Variants in PCDH15 observed in about 807,000 individuals in gnomAD.
The protein encoded by PCDH15 is protocadherin-15.
PCDH15 carries 129 observed loss-of-function variants against 178.5 expected under a neutral mutation model. The observed-to-expected ratio is 0.72, with a 90% confidence interval of 0.63 to 0.84. The LOEUF is 0.84. Ranked by LOEUF, PCDH15 falls within the 40% of genes least tolerant of loss-of-function variation. The pLI, the probability that PCDH15 is intolerant of heterozygous loss-of-function variation, is 0.00. For missense variants in PCDH15, 2,230 were observed against 2,099.9 expected, an observed-to-expected ratio of 1.06 and a Z score of -1.21; for synonymous variants, 800 against 732.0, an observed-to-expected ratio of 1.09 and a Z score of -1.50.
chr10:54,394,221 T>TTA (rs140737328), intron 3 of PCDH15, among the ~76,000 whole-genome samples: 5,518 of 152,256 alleles, frequency 0.036, 155 homozygotes, highest in Non-Finnish European at 0.053. Context: ...TACATTCTTA[T>TTA]TATATAGCAT....
In PCDH15 at chr10:54,543,967, G is replaced by A. The variant is rs184045911; in HGVS notation, c.92-16090C>T. On this transcript the variant is annotated intron_variant, in intron 2 of 37. Transcript: ENST00000644397. The stretch of plus-strand genomic sequence containing the variant: ...CTTCTCTTTGTTCTTCAGACATACC[G>A]AAGAACACCTGACCCGTGTGTATGC... 3.3e-3 allele frequency among the ~76,000 whole-genome samples: 494 copies of A among 151,780 alleles called. 1 individual carries two copies. Among genetic ancestry groups the A allele is most frequent in the African/African-American group, 8.6e-3 (354 of 41,174 alleles).
At chr10:54,825,216 T>C (rs1023632997) in intron 3 of PCDH15, among the ~76,000 whole-genome samples, 24 of 151,932 alleles carry the variant, frequency 1.6e-4, no homozygotes, top group Non-Finnish European at 1.5e-5. Flanking sequence ...TCATTTTTTA[T>C]GGCTGCATAG....
chr10:53,896,589 A>G (rs2081968424), intron 26 of PCDH15, among the ~76,000 whole-genome samples: 1 of 152,166 alleles, frequency 6.6e-6, no homozygotes, highest in Non-Finnish European at 1.5e-5. Context: ...CAGGCCATGG[A>G]CAACTACCAG....
intron 8 of PCDH15, among the ~76,000 whole-genome samples, chr10:54,247,053 T>A (rs1377343090): frequency 6.6e-6 from 1 of 152,008 alleles, no homozygotes; most frequent in Non-Finnish European, 1.5e-5. Context: ...ATCAGCTTAA[T>A]GTTTTATAAA....
chr10:55,096,709 T>C (rs1842456749), intron 2 of PCDH15, among the ~76,000 whole-genome samples: 1 of 152,122 alleles, frequency 6.6e-6, no homozygotes, highest in African/African-American at 2.4e-5. Context: ...TTTTTAGATT[T>C]CACATATAAA....
At chr10:55,276,003 T>C (rs1293037564) in intron 1 of PCDH15, among the ~76,000 whole-genome samples, 2 of 151,388 alleles carry the variant, frequency 1.3e-5, no homozygotes, top group South Asian at 4.2e-4. Flanking sequence ...TTATCATATT[T>C]TTGATATGTA....
chr10:54,408,394 C>T (rs542251038), intron 3 of PCDH15, among the ~76,000 whole-genome samples: 3 of 152,086 alleles, frequency 2.0e-5, no homozygotes, highest in African/African-American at 7.2e-5. Context: ...ATATGAACTA[C>T]TATAATTGGG....
intron 3 of PCDH15, among the ~76,000 whole-genome samples, chr10:54,382,077 A>G (rs1419858882): frequency 1.3e-5 from 2 of 152,180 alleles, no homozygotes; most frequent in Non-Finnish European, 2.9e-5. Flanking sequence ...TAAAAATATT[A>G]GCACAGTTAA....
chr10:54,793,066 T>A (rs975755879), intron 1 of PCDH15, among the ~76,000 whole-genome samples: 3 of 151,810 alleles, frequency 2.0e-5, no homozygotes, highest in Non-Finnish European at 4.4e-5. Context: ...TTGTCAATTG[T>A]AGGCTCCACT....
intron 1 of PCDH15, among the ~76,000 whole-genome samples, chr10:55,237,013 TTAA>T (rs1280947349): frequency 1.3e-5 from 2 of 152,138 alleles, no homozygotes; most frequent in African/African-American, 4.8e-5. Context: ...GAATTTGGGC[TTAA>T]TAACATATCA....
chr10:55,348,789 C>T (rs1482824830), intron 2 of PCDH15, among the ~76,000 whole-genome samples: 3 of 152,036 alleles, frequency 2.0e-5, no homozygotes, highest in Admixed American at 6.6e-5. Flanking sequence ...CCCAGTGTAA[C>T]TGAAAGGAAA....
intron 1 of PCDH15, among the ~76,000 whole-genome samples, chr10:55,285,136 A>G (rs887498934): frequency 4.3e-5 from 6 of 140,734 alleles, no homozygotes; most frequent in African/African-American, 1.7e-4. Flanking sequence ...TACCATATAA[A>G]CTTGTATTTA....
intron 2 of PCDH15, among the ~76,000 whole-genome samples, chr10:55,487,192 C>A (rs547439251): frequency 6.6e-6 from 1 of 151,546 alleles, no homozygotes; most frequent in Non-Finnish European, 1.5e-5. Flanking sequence ...TTTATGGGTC[C>A]TCATTATTGC....
At chr10:53,967,808 T>C (rs1589673327) in intron 21 of PCDH15, among the ~76,000 whole-genome samples, 3 of 152,336 alleles carry the variant, frequency 2.0e-5, no homozygotes, top group Non-Finnish European at 2.9e-5. Flanking sequence ...TATCTCTCTA[T>C]GCATAGCTGT....
Position 53,804,135 on chromosome 10 carries a change from T to C in PCDH15, c.*2444A>G, listed in dbSNP as rs1051316999. On this transcript the variant is annotated 3_prime_UTR_variant, in exon 38 of 38. Coordinates refer to ENST00000644397, the MANE Select transcript of PCDH15 (RefSeq NM_001384140.1). Reference sequence around the variant, plus strand: ...TACCCAAAAATATACTGACCAAATATTTGGTTTGGTTGCTCTGTGTAAATT... The same window carrying C: ...TACCCAAAAATATACTGACCAAATACTTGGTTTGGTTGCTCTGTGTAAATT... 44 of 151,916 alleles carry C rather than the reference T, an allele frequency of 2.9e-4. No individual in the cohort carries two copies. The highest frequency in any genetic ancestry group is 4.4e-5 in the Non-Finnish European group (3 of 67,872). The allele number at this position is 151,916 out of a possible 1,614,324, so 9.4% of individuals were successfully genotyped here.
chr10:55,021,629 T>G (rs1054506431), intron 2 of PCDH15, among the ~76,000 whole-genome samples: 2 of 152,234 alleles, frequency 1.3e-5, no homozygotes, highest in Non-Finnish European at 2.9e-5. Context: ...AATTAAAGTA[T>G]AGATATTCTT....
At chr10:55,221,769 T>C (rs978584604) in intron 1 of PCDH15, among the ~76,000 whole-genome samples, 5 of 152,206 alleles carry the variant, frequency 3.3e-5, no homozygotes, top group South Asian at 2.1e-4. Flanking sequence ...ACCATAGATA[T>C]GGTAAAATGT....
chr10:55,416,550 TG>T (rs1164557483), intron 2 of PCDH15, among the ~76,000 whole-genome samples: 4 of 151,118 alleles, frequency 2.6e-5, no homozygotes. Flanking sequence ...GGCTAAGGGG[TG>T]GGTATCAGGG....
chr10:55,558,285 G>A (rs1842129141), intron 2 of PCDH15, among the ~76,000 whole-genome samples: 1 of 152,078 alleles, frequency 6.6e-6, no homozygotes, highest in Admixed American at 6.6e-5. Context: ...CACTTTCTTG[G>A]GGACAAGTTG....
Sources: allele counts gnomAD v4.1 joint callset (sites outside exome capture counted in the v4.1 genomes callset), GRCh38; gene constraint gnomAD v4.1.1; transcripts MANE v1.5; gene names NCBI Gene and HGNC (gene_info 2026-07-23, HGNC 2026-07-21).